Variants in RPS6KC1 observed in about 807,000 individuals in gnomAD.
The protein encoded by RPS6KC1 is inactive ribosomal protein S6 kinase delta-1.
A neutral mutation model predicts 103.8 loss-of-function variants in RPS6KC1; 54 were observed. The observed-to-expected ratio is 0.52, with a 90% CI of 0.42 to 0.65. The LOEUF (loss-of-function observed/expected upper bound fraction) is 0.65. Ranked by LOEUF, RPS6KC1 falls within the 30% of genes least tolerant of loss-of-function variation. The probability of loss-of-function intolerance (pLI) is 0.00; values close to 1 mark genes in which losing one functional copy is unlikely to be tolerated. For missense variants in RPS6KC1, 1,151 were observed against 1,253.8 expected (o/e 0.92, Z 1.24); for synonymous variants, 439 against 438.7 (o/e 1.00, Z -0.01).
intron 1 of RPS6KC1, among the ~76,000 whole-genome samples, chr1:213,056,007 G>T (rs961386707): frequency 6.6e-6 from 1 of 152,114 alleles, no homozygotes; most frequent in Non-Finnish European, 1.5e-5. Context: ...GGGTTCAAGT[G>T]TTACTCCCTC....
intron 6 of RPS6KC1, among the ~76,000 whole-genome samples, chr1:213,165,668 C>T (rs1407346740): frequency 6.6e-6 from 1 of 151,978 alleles, no homozygotes; most frequent in East Asian, 1.9e-4. Context: ...CGTGATCTGC[C>T]CACCTTGGCC....
the RPS6KC1 span, among the ~76,000 whole-genome samples, chr1:213,513,382 T>C: frequency 1.3e-5 from 2 of 152,224 alleles, no homozygotes; most frequent in Non-Finnish European, 2.9e-5. Context: ...ACATTTGTGC[T>C]AGTTTGTTAT....
the RPS6KC1 span, among the ~76,000 whole-genome samples, chr1:213,852,263 T>C: frequency 2.6e-5 from 4 of 152,276 alleles, no homozygotes; most frequent in African/African-American, 9.6e-5. Context: ...TTCTCTGCTC[T>C]AGACCTTTCC....
the RPS6KC1 span, among the ~76,000 whole-genome samples, chr1:213,618,747 A>C: frequency 6.6e-6 from 1 of 152,238 alleles, no homozygotes; most frequent in African/African-American, 2.4e-5. Flanking sequence ...GAAGTTCTTC[A>C]AGGTTAAACC....
At chr1:213,079,538 T>C (rs2079659935) in intron 3 of RPS6KC1, among the ~76,000 whole-genome samples, 1 of 152,038 alleles carries the variant, frequency 6.6e-6, no homozygotes, top group South Asian at 2.1e-4. Context: ...CTTCCTTGGC[T>C]TCCCAGGTAG....
the RPS6KC1 span, among the ~76,000 whole-genome samples, chr1:213,654,756 A>G: frequency 1.3e-5 from 2 of 152,314 alleles, no homozygotes; most frequent in African/African-American, 2.4e-5. Flanking sequence ...TTTTCTCATT[A>G]TCATTTCTTA....
chr1:213,733,389 G>GCCA, the RPS6KC1 span, among the ~76,000 whole-genome samples: 1 of 151,810 alleles, frequency 6.6e-6, no homozygotes, highest in African/African-American at 2.4e-5. Flanking sequence ...ACAGGCATAT[G>GCCA]CCACCACAGC....
At chr1:213,415,690 T>C in the RPS6KC1 span, among the ~76,000 whole-genome samples, 1 of 152,116 alleles carries the variant, frequency 6.6e-6, no homozygotes, top group South Asian at 2.1e-4. Context: ...TTAATGCCAA[T>C]GTGAACAGTC....
At chr1:213,692,455 C>T in the RPS6KC1 span, among the ~76,000 whole-genome samples, 1 of 151,850 alleles carries the variant, frequency 6.6e-6, no homozygotes, top group Admixed American at 6.6e-5. Flanking sequence ...GGAAGAGGGC[C>T]AAGTGGGCAA....
chr1:213,769,517 C>CAGAGAGAGAGAGAG, the RPS6KC1 span, among the ~76,000 whole-genome samples: 5 of 148,586 alleles, frequency 3.4e-5, no homozygotes, highest in African/African-American at 1.2e-4. Flanking sequence ...GAGAGATGGA[C>CAGAGAGAGAGAGAG]AGAGAGAGAG....
chr1:213,509,879 C>CTT, the RPS6KC1 span, among the ~76,000 whole-genome samples: 1 of 152,182 alleles, frequency 6.6e-6, no homozygotes, highest in South Asian at 2.1e-4. Context: ...AGATGTATCT[C>CTT]TTTTATTGAA....
chr1:213,781,477 A>G, the RPS6KC1 span, among the ~76,000 whole-genome samples: 1 of 152,200 alleles, frequency 6.6e-6, no homozygotes, highest in Non-Finnish European at 1.5e-5. Flanking sequence ...AGGGAGAAAG[A>G]CACAGAAAAG....
the RPS6KC1 span, among the ~76,000 whole-genome samples, chr1:213,751,115 A>G: frequency 5.3e-5 from 8 of 152,180 alleles, no homozygotes; most frequent in African/African-American, 1.7e-4. Context: ...TTAGCAATTT[A>G]CCACCATGAA....
chr1:213,267,087 G>T (rs2094929197), intron 14 of RPS6KC1, among the ~76,000 whole-genome samples: 1 of 151,800 alleles, frequency 6.6e-6, no homozygotes, highest in Non-Finnish European at 1.5e-5. Flanking sequence ...GTATAAATGT[G>T]CACAGGAACA....
the RPS6KC1 span, among the ~76,000 whole-genome samples, chr1:213,713,130 AT>A: frequency 4.6e-5 from 7 of 151,888 alleles, no homozygotes; most frequent in Admixed American, 2.6e-4. Flanking sequence ...TTCCAATTTT[AT>A]TTTTGTTTCT....
At chr1:213,829,776 C>T in the RPS6KC1 span, among the ~76,000 whole-genome samples, 1 of 152,150 alleles carries the variant, frequency 6.6e-6, no homozygotes, top group Non-Finnish European at 1.5e-5. Flanking sequence ...GTCAAACAGG[C>T]AACAAATAAT....
the RPS6KC1 span, among the ~76,000 whole-genome samples, chr1:213,528,297 AG>A: frequency 6.6e-6 from 1 of 152,208 alleles, no homozygotes; most frequent in Non-Finnish European, 1.5e-5. Context: ...TGCCGAGCAA[AG>A]GGGAGAAAAG....
At chr1:213,768,879 T>C in the RPS6KC1 span, among the ~76,000 whole-genome samples, 21 of 152,316 alleles carry the variant, frequency 1.4e-4, no homozygotes, top group African/African-American at 5.0e-4. Flanking sequence ...ATTTCATATC[T>C]TTAATTGTCC....
At chr1:213,300,756 C>A in the RPS6KC1 span, among the ~76,000 whole-genome samples, 2 of 152,154 alleles carry the variant, frequency 1.3e-5, no homozygotes, top group African/African-American at 4.8e-5. Flanking sequence ...ATATAAACCC[C>A]GCTGTCAGTG....
Sources: allele counts gnomAD v4.1 joint callset (sites outside exome capture counted in the v4.1 genomes callset), GRCh38; gene constraint gnomAD v4.1.1; transcripts MANE v1.5; gene names NCBI Gene and HGNC (gene_info 2026-07-23, HGNC 2026-07-21).